TRAPPC10: variants seen among roughly 807,000 people sequenced by gnomAD.
TRAPPC10 encodes trafficking protein particle complex subunit 10.
TRAPPC10 carries 23 observed loss-of-function variants against 125.5 expected under a neutral mutation model. That is an observed-to-expected ratio of 0.18 (90% confidence interval 0.13 to 0.26). TRAPPC10 has a LOEUF of 0.26. Among genes scored for constraint, TRAPPC10 ranks in the 10% least tolerant of loss-of-function variants. The pLI, the probability that TRAPPC10 is intolerant of heterozygous loss-of-function variation, is 1.00. For synonymous variants in TRAPPC10, 509 were observed against 518.0 expected (o/e 0.98, Z 0.24); for missense variants, 1,123 against 1,308.4 (o/e 0.86, Z 2.19).
chr21:44,047,045 G>A lies in TRAPPC10; in HGVS notation c.286-5235G>A, dbSNP rs79771949. On this transcript the variant is annotated intron_variant, in intron 3 of 22. Transcript: ENST00000291574. Reference sequence around the variant, plus strand: ...TTCCCACCTTACTGCCAGCCATTTCGAATTCTGCTGAAGCTCAAGCAAGCA... The same window carrying A: ...TTCCCACCTTACTGCCAGCCATTTCAAATTCTGCTGAAGCTCAAGCAAGCA... 1,457 of 706,804 alleles carry A rather than the reference G, an allele frequency of 2.1e-3. 14 individuals are homozygous for A. In the African/African-American group the frequency reaches 0.022, roughly 11 times the overall value. 43.8% of individuals were successfully genotyped at this position (706,804 alleles called of 1,614,324 possible).
chr21:44,047,700 G>T (rs996446881), intron 3 of TRAPPC10, among the ~76,000 whole-genome samples: 2 of 151,984 alleles, frequency 1.3e-5, no homozygotes, highest in Non-Finnish European at 2.9e-5. Context: ...CTTTTCTTCT[G>T]CAGTGTCTAA....
intron 7 of TRAPPC10, among the ~76,000 whole-genome samples, chr21:44,066,539 A>G (rs917582137): frequency 6.6e-6 from 1 of 152,102 alleles, no homozygotes; most frequent in African/African-American, 2.4e-5. Context: ...AACAATTTCT[A>G]ATTTTCCCTC....
intron 4 of TRAPPC10, among the ~76,000 whole-genome samples, chr21:44,053,234 C>T (rs1175456290): frequency 6.6e-6 from 1 of 152,016 alleles, no homozygotes; most frequent in Admixed American, 6.5e-5. Flanking sequence ...AGGTAATGAG[C>T]AAAAAGAAAA....
At chr21:44,046,883 T>C in intron 3 of TRAPPC10, 1 of 805,502 alleles carries the variant, frequency 1.2e-6, no homozygotes, top group South Asian at 1.3e-5. Flanking sequence ...GGCTGTGTTG[T>C]ACACAGCGGC....
At position 44,074,301 on chromosome 21, in the gene TRAPPC10, C is replaced by T. The variant is rs370838084; in HGVS notation, c.1039-23C>T. 9.5e-5 allele frequency: 153 copies of T among 1,613,134 alleles called. 1 individual carries two copies. In the African/African-American group the frequency reaches 1.1e-3, roughly 12 times the overall value. On this transcript the variant is annotated intron_variant, in intron 7 of 22. Transcript: ENST00000291574. ...GAGCTGTCCCGGAGCACCCCTCACA[C>T]GTTCGCATTTGCACCCCCACAGGTC...
chr21:44,032,456 C>T (rs1204231389), intron 2 of TRAPPC10, among the ~76,000 whole-genome samples: 2 of 145,262 alleles, frequency 1.4e-5, no homozygotes, highest in Non-Finnish European at 3.0e-5. Context: ...AATCTCGGCT[C>T]ACTGCAACCT....
intron 19 of TRAPPC10, among the ~76,000 whole-genome samples, chr21:44,092,761 G>C (rs1434271824): frequency 2.9e-3 from 2 of 690 alleles, no homozygotes; most frequent in Admixed American, 0.017. Flanking sequence ...TAATTGGCTG[G>C]ATGTAAAGAT....
intron 19 of TRAPPC10, among the ~76,000 whole-genome samples, chr21:44,093,597 GA>G (rs1204813022): frequency 2.6e-5 from 4 of 151,972 alleles, no homozygotes; most frequent in African/African-American, 7.2e-5. Context: ...GTCTCTACTA[GA>G]ATACAAAAAA....
At chr21:44,028,504 A>G (rs1000997263) in intron 1 of TRAPPC10, among the ~76,000 whole-genome samples, 2 of 152,204 alleles carry the variant, frequency 1.3e-5, no homozygotes, top group Non-Finnish European at 2.9e-5. Context: ...GTGCTCCCAC[A>G]GACTTTAGGG....
At chr21:44,069,954 C>T (rs919143560) in intron 7 of TRAPPC10, among the ~76,000 whole-genome samples, 9 of 151,406 alleles carry the variant, frequency 5.9e-5, no homozygotes, top group African/African-American at 1.7e-4. Flanking sequence ...AGTGCAGTGG[C>T]GTGATCTTGG....
intron 1 of TRAPPC10, among the ~76,000 whole-genome samples, chr21:44,028,135 A>G (rs2033240867): frequency 6.6e-6 from 1 of 152,250 alleles, no homozygotes; most frequent in African/African-American, 2.4e-5. Context: ...AAGGTTTTAA[A>G]TTACACAAGT....
Position 44,080,004 on chromosome 21 carries a change from C to G in TRAPPC10, c.1611-11C>G, listed in dbSNP as rs776305068. 1.2e-6 allele frequency: 2 copies of G among 1,612,712 alleles called. No homozygotes were observed. The highest frequency in any genetic ancestry group is 1.1e-5 in the South Asian group (1 of 91,010). On this transcript the variant is annotated splice_polypyrimidine_tract_variant and intron_variant, in intron 12 of 22. Transcript: ENST00000291574. ...ATGAGCCTCTCCACGCTCCTTACCTCTCCGCTCCAGCTACCTGCAGACCAG... is the reference window on the plus strand; with the variant it reads ...ATGAGCCTCTCCACGCTCCTTACCTGTCCGCTCCAGCTACCTGCAGACCAG...
intron 1 of TRAPPC10, among the ~76,000 whole-genome samples, chr21:44,015,077 T>G (rs2031665283): frequency 6.6e-6 from 1 of 152,234 alleles, no homozygotes; most frequent in South Asian, 2.1e-4. Context: ...CCTTAACTTT[T>G]TAATATTATG....
chr21:44,092,099 T>G (rs1303464475), intron 19 of TRAPPC10, 50 bp downstream of exon 19: 6 of 1,602,664 alleles, frequency 3.7e-6, no homozygotes. Flanking sequence ...AGAACCAGAG[T>G]GTACGGAAAT....
intron 7 of TRAPPC10, among the ~76,000 whole-genome samples, chr21:44,066,666 C>T (rs943958716): frequency 6.6e-6 from 1 of 152,068 alleles, no homozygotes; most frequent in African/African-American, 2.4e-5. Context: ...TGTCCATGGC[C>T]TTCTTATGTA....
intron 3 of TRAPPC10, among the ~76,000 whole-genome samples, chr21:44,050,695 G>A (rs1295772040): frequency 6.6e-6 from 1 of 152,146 alleles, no homozygotes; most frequent in African/African-American, 2.4e-5. Flanking sequence ...TTAAGTTACT[G>A]TTGGGTATTT....
At chr21:44,064,762 A>G (rs533485277) in intron 7 of TRAPPC10, among the ~76,000 whole-genome samples, 15 of 152,190 alleles carry the variant, frequency 9.9e-5, no homozygotes, top group Non-Finnish European at 2.2e-4. Flanking sequence ...GAAGAGAAAT[A>G]TATTTTAGTT....
intron 18 of TRAPPC10, among the ~76,000 whole-genome samples, chr21:44,091,391 C>G (rs2038567676): frequency 6.6e-6 from 1 of 152,132 alleles, no homozygotes; most frequent in South Asian, 2.1e-4. Flanking sequence ...TATATTCTTT[C>G]TTCCATTGCC....
chr21:44,017,732 C>T (rs1778455942), intron 1 of TRAPPC10, among the ~76,000 whole-genome samples: 2 of 151,768 alleles, frequency 1.3e-5, no homozygotes, highest in African/African-American at 2.4e-5. Flanking sequence ...CTGCTTCTCC[C>T]TTTGGTTTTT....
Sources: allele counts gnomAD v4.1 joint callset (sites outside exome capture counted in the v4.1 genomes callset), GRCh38; gene constraint gnomAD v4.1.1; transcripts MANE v1.5; gene names NCBI Gene and HGNC (gene_info 2026-07-23, HGNC 2026-07-21).